Variants in SPRED2 observed in about 807,000 individuals in gnomAD.
The protein encoded by SPRED2 is sprouty-related, EVH1 domain-containing protein 2.
A neutral mutation model predicts 43.0 loss-of-function variants in SPRED2; 47 were observed. The ratio of observed to expected loss-of-function variants is 1.09; its 90% confidence interval spans 0.87 to 1.40. The LOEUF is 1.40. Ranked by LOEUF, SPRED2 falls within the 40% of genes most tolerant of loss-of-function variation. The pLI, the probability that SPRED2 is intolerant of heterozygous loss-of-function variation, is 0.00. For synonymous variants in SPRED2, 225 were observed against 225.7 expected (o/e 1.00, Z 0.03); for missense variants, 561 against 586.4 (o/e 0.96, Z 0.45).
At chr2:65,308,222 G>A (rs1672981587), downstream of SPRED2, 1 of 839,198 alleles carries the variant, frequency 1.2e-6, no homozygotes. Context: ...GTTCAGGCAG[G>A]CAGTACTCTG....
rs1231582359 is a variant in SPRED2, at chr2:65,311,002, T to C, written c.*2499A>G. ...TTTACACAGAGGTAAAAAGGCTTAT[T>C]ATAAAAAAATCAATACAACAGGGTT... On this transcript the variant is annotated 3_prime_UTR_variant, in exon 6 of 6. Transcript: ENST00000356388. 3.0e-6 allele frequency: 3 copies of C among 984,114 alleles called. No homozygotes were observed. Among genetic ancestry groups the C allele is most frequent in the Non-Finnish European group, 3.6e-6 (3 of 828,470 alleles). The allele number at this position is 984,114 out of a possible 1,614,324, so 61.0% of individuals were successfully genotyped here.
chr2:65,418,545 TTTTC>T (rs150414276), intron 1 of SPRED2, among the ~76,000 whole-genome samples: 5,803 of 151,868 alleles, frequency 0.038, 358 homozygotes, highest in African/African-American at 0.13. Context: ...TTTCTTTCCT[TTTTC>T]TTTCTTTCTT....
At chr2:65,351,849 T>C (rs1674520324) in intron 1 of SPRED2, among the ~76,000 whole-genome samples, 1 of 152,220 alleles carries the variant, frequency 6.6e-6, no homozygotes, top group Admixed American at 6.5e-5. Context: ...TTGTGGGTGT[T>C]CGTCTTAAGT....
chr2:65,353,966 CA>C (rs1282618511), intron 1 of SPRED2, among the ~76,000 whole-genome samples: 2 of 152,160 alleles, frequency 1.3e-5, no homozygotes, highest in Non-Finnish European at 2.9e-5. Flanking sequence ...GGCAGTGTGC[CA>C]TGCACCAGTC....
At chr2:65,418,441 T>C (rs1676339609) in intron 1 of SPRED2, among the ~76,000 whole-genome samples, 7 of 152,194 alleles carry the variant, frequency 4.6e-5, no homozygotes, top group Admixed American at 1.3e-4. Flanking sequence ...CCCTAAATAC[T>C]ACCATCATCC....
intron 1 of SPRED2, among the ~76,000 whole-genome samples, chr2:65,402,196 T>C (rs1288931685): frequency 1.4e-5 from 2 of 142,412 alleles, no homozygotes; most frequent in African/African-American, 5.3e-5. Context: ...CGAGAATCAC[T>C]TGAGCCCGGG....
intron 4 of SPRED2, among the ~76,000 whole-genome samples, chr2:65,320,526 TATCTG>T (rs1673379983): frequency 6.6e-6 from 1 of 152,200 alleles, no homozygotes; most frequent in Non-Finnish European, 1.5e-5. Flanking sequence ...AGAAAGGCCT[TATCTG>T]ATGACGAATT....
chr2:65,387,396 C>T (rs980368171), intron 1 of SPRED2, among the ~76,000 whole-genome samples: 2 of 152,176 alleles, frequency 1.3e-5, no homozygotes, highest in Non-Finnish European at 2.9e-5. Flanking sequence ...ATTTGTAACA[C>T]GGATCAGCTG....
rs2104089200 is a variant in SPRED2, at chr2:65,310,997, C to T, written c.*2504G>A. ...TATTTTTTACACAGAGGTAAAAAGGCTTATTATAAAAAAATCAATACAACA... is the reference window on the plus strand; with the variant it reads ...TATTTTTTACACAGAGGTAAAAAGGTTTATTATAAAAAAATCAATACAACA... On this transcript the variant is annotated 3_prime_UTR_variant, in exon 6 of 6. Transcript: ENST00000356388. The T allele has an allele frequency of 1.0e-6, 1 of 983,598 alleles. No homozygotes were observed. The highest frequency in any genetic ancestry group is 4.7e-5 in the South Asian group (1 of 21,240). 60.9% of individuals were successfully genotyped at this position (983,598 alleles called of 1,614,324 possible).
intron 1 of SPRED2, among the ~76,000 whole-genome samples, chr2:65,400,695 C>T (rs1419665532): frequency 1.3e-5 from 2 of 152,140 alleles, no homozygotes; most frequent in Admixed American, 6.5e-5. Context: ...TGTTCTCTCT[C>T]TCCTTTTCCT....
downstream of SPRED2, chr2:65,308,451 A>C: frequency 1.0e-6 from 1 of 985,482 alleles, no homozygotes; most frequent in South Asian, 4.7e-5. Flanking sequence ...ATAGAAGTTA[A>C]GAAATAGAAA....
intron 1 of SPRED2, among the ~76,000 whole-genome samples, chr2:65,372,972 G>C (rs2104343553): frequency 6.6e-6 from 1 of 152,306 alleles, no homozygotes; most frequent in Admixed American, 6.5e-5. Flanking sequence ...ACTTATCCAA[G>C]ACAGCTTCCT....
At chr2:65,393,059 C>G (rs192286555) in intron 1 of SPRED2, among the ~76,000 whole-genome samples, 1 of 152,270 alleles carries the variant, frequency 6.6e-6, no homozygotes, top group Admixed American at 6.5e-5. Context: ...ATGGAACTAG[C>G]TATTTTTCTT....
Position 65,314,151 on chromosome 2 carries a change from G to A in SPRED2, c.607C>T (p.Arg203Cys), listed in dbSNP as rs765599113. The change falls in exon 6 of 6, where the codon CGC (arginine) becomes TGC (cysteine). Residue 203 changes from arginine (R) to cysteine (C), a missense_variant. Around this residue, in one of 6 missense-constraint regions of SPRED2, gnomAD observed 305 missense variants for 282.4 expected, o/e 1.08. Coordinates refer to ENST00000356388, the MANE Select transcript of SPRED2 (RefSeq NM_181784.3). ...TCGTCGTCCGGGAAGCTCACCTGGC[G>A]GTAGGGCCTTGGCATCGGCTGTCCC... ...HLDQPMPRPY[R>C]QVSFPDDDEE... The A allele has an allele frequency of 8.1e-6, 13 of 1,597,462 alleles. No homozygotes were observed. In the South Asian group the frequency reaches 1.3e-4, roughly 16 times the overall value.
chr2:65,323,928 G>A (rs527994216), intron 4 of SPRED2, among the ~76,000 whole-genome samples: 3 of 152,044 alleles, frequency 2.0e-5, no homozygotes, highest in African/African-American at 7.2e-5. Flanking sequence ...TGGGTGCTTT[G>A]CGGGATGTGG....
intron 4 of SPRED2, among the ~76,000 whole-genome samples, chr2:65,323,605 G>A (rs1208534022): frequency 1.3e-5 from 2 of 151,798 alleles, no homozygotes; most frequent in Non-Finnish European, 1.5e-5. Context: ...GGCCAGGCGC[G>A]GTGACTCACG....
Position 65,313,706 on chromosome 2 carries a change from T to TA in SPRED2, c.1051dup (p.Tyr351LeufsTer20), listed in dbSNP as rs1449901704. 1 of 1,614,168 alleles carries TA rather than the reference T, an allele frequency of 6.2e-7. No individual in the cohort carries two copies. The highest frequency in any genetic ancestry group is 1.7e-5 in the Admixed American group (1 of 60,018). ...TCCCTCGGGGTCCGACATACAGTGA[T>TA]AGAGCATGCTGTCCGCGCACCACAT... On this transcript the variant is annotated frameshift_variant, in exon 6 of 6. Coordinates refer to ENST00000356388, the MANE Select transcript of SPRED2 (RefSeq NM_181784.3). LOFTEE classifies it high-confidence loss of function.
intron 1 of SPRED2, among the ~76,000 whole-genome samples, chr2:65,429,005 C>A (rs939662412): frequency 6.6e-6 from 1 of 151,874 alleles, no homozygotes; most frequent in Admixed American, 6.6e-5. Flanking sequence ...GGAGGGGGGA[C>A]GAAAGAGAAT....
At chr2:65,339,100 G>GT (rs1674094360) in intron 2 of SPRED2, among the ~76,000 whole-genome samples, 2 of 55,096 alleles carry the variant, frequency 3.6e-5, no homozygotes, top group South Asian at 6.8e-4. Flanking sequence ...GGGAGGTTGG[G>GT]CGGGGGGTCA....
Sources: allele counts gnomAD v4.1 joint callset (sites outside exome capture counted in the v4.1 genomes callset), GRCh38; gene constraint gnomAD v4.1.1; regional missense constraint gnomAD v4.1.1; transcripts MANE v1.5; gene names NCBI Gene and HGNC (gene_info 2026-07-23, HGNC 2026-07-21).